PCDH15: variants seen among roughly 807,000 people sequenced by gnomAD.
The protein encoded by PCDH15 is protocadherin related 15.
In PCDH15, 129 loss-of-function variants were observed where a neutral mutation model predicts 178.5. That is an observed-to-expected ratio of 0.72 (90% CI 0.63 to 0.84). The LOEUF (loss-of-function observed/expected upper bound fraction) is 0.84, where lower values mean the gene tolerates loss of function less well. Ranked by LOEUF, PCDH15 falls within the 40% of genes least tolerant of loss-of-function variation. PCDH15 has a pLI of 0.00. For missense variants in PCDH15, 2,230 were observed against 2,099.9 expected, an observed-to-expected ratio of 1.06 and a Z score of -1.21; for synonymous variants, 800 against 732.0, an observed-to-expected ratio of 1.09 and a Z score of -1.50.
intron 2 of PCDH15, among the ~76,000 whole-genome samples, chr10:55,130,650 T>C (rs1838015358): frequency 6.6e-6 from 1 of 151,162 alleles, no homozygotes; most frequent in Non-Finnish European, 1.5e-5. Context: ...ACTTTAAACC[T>C]ATGGCTTAAC....
intron 29 of PCDH15, among the ~76,000 whole-genome samples, chr10:53,837,316 A>G (rs2093969448): frequency 6.6e-6 from 1 of 152,192 alleles, no homozygotes; most frequent in South Asian, 2.1e-4. Context: ...ATAAAAAAGC[A>G]GGATAAGAGT....
chr10:54,529,417 C>A (rs1227471802), intron 2 of PCDH15, among the ~76,000 whole-genome samples: 2 of 152,034 alleles, frequency 1.3e-5, no homozygotes, highest in Non-Finnish European at 2.9e-5. Flanking sequence ...CTATTCCTTT[C>A]ATGAGAATGA....
At chr10:55,477,082 A>G (rs1252873938) in intron 2 of PCDH15, among the ~76,000 whole-genome samples, 1 of 151,960 alleles carries the variant, frequency 6.6e-6, no homozygotes, top group Non-Finnish European at 1.5e-5. Context: ...GTACTAGTAT[A>G]TTACCCACTG....
intron 20 of PCDH15, among the ~76,000 whole-genome samples, chr10:53,999,439 T>C (rs900925629): frequency 6.6e-6 from 1 of 152,212 alleles, no homozygotes; most frequent in African/African-American, 2.4e-5. Context: ...TTTACTGACT[T>C]ATTTCCCTTC....
At chr10:54,436,143 AAG>A (rs1491434441) in intron 3 of PCDH15, among the ~76,000 whole-genome samples, 2 of 144,414 alleles carry the variant, frequency 1.4e-5, no homozygotes, top group African/African-American at 2.8e-5. Context: ...AAAAGAAAGA[AAG>A]AAAGGAAGGA....
chr10:55,356,808 A>C (rs1588949606), intron 2 of PCDH15, among the ~76,000 whole-genome samples: 1 of 152,112 alleles, frequency 6.6e-6, no homozygotes, highest in South Asian at 2.1e-4. Flanking sequence ...TTCCGAGATT[A>C]CATCATTTGT....
chr10:54,563,807 C>T (rs1025237718), intron 2 of PCDH15, among the ~76,000 whole-genome samples: 1 of 152,122 alleles, frequency 6.6e-6, no homozygotes, highest in African/African-American at 2.4e-5. Flanking sequence ...AGAGCCCCAC[C>T]ATAACCAAAT....
At chr10:55,348,988 T>C (rs931603752) in intron 2 of PCDH15, among the ~76,000 whole-genome samples, 1 of 152,144 alleles carries the variant, frequency 6.6e-6, no homozygotes, top group Non-Finnish European at 1.5e-5. Flanking sequence ...TGAGCAGGAA[T>C]GGAAACAAAG....
chr10:53,961,939 C>T (rs1177866983), intron 21 of PCDH15, 47 bp from the exon 22 acceptor site: 1 of 1,433,570 alleles, frequency 7.0e-7, no homozygotes. Flanking sequence ...CAAGTTAAAA[C>T]ACAGTGCAAT....
At chr10:55,343,228 GA>G (rs1265192838) in intron 2 of PCDH15, among the ~76,000 whole-genome samples, 1 of 152,046 alleles carries the variant, frequency 6.6e-6, no homozygotes, top group Non-Finnish European at 1.5e-5. Context: ...CCAAACTAAG[GA>G]ATTAAAAGAT....
intron 3 of PCDH15, among the ~76,000 whole-genome samples, chr10:54,443,350 C>T (rs1310011878): frequency 6.6e-6 from 1 of 151,304 alleles, no homozygotes; most frequent in African/African-American, 2.4e-5. Flanking sequence ...TCTTCGGAAG[C>T]CCCTGGGAAA....
chr10:54,908,642 G>A (rs1002388421), intron 2 of PCDH15, among the ~76,000 whole-genome samples: 3 of 152,234 alleles, frequency 2.0e-5, no homozygotes, highest in African/African-American at 7.2e-5. Flanking sequence ...AGAAAGAGGT[G>A]TGCAGACAAG....
At chr10:54,376,562 T>C (rs1403832225) in intron 4 of PCDH15, among the ~76,000 whole-genome samples, 3 of 151,480 alleles carry the variant, frequency 2.0e-5, no homozygotes, top group East Asian at 3.9e-4. Context: ...ACTATATCTT[T>C]GTAGAAAATA....
intron 2 of PCDH15, among the ~76,000 whole-genome samples, chr10:55,397,254 T>C (rs1837951875): frequency 6.6e-6 from 1 of 152,186 alleles, no homozygotes; most frequent in African/African-American, 2.4e-5. Context: ...ATTTTCAAAG[T>C]TGTTCTACAT....
In PCDH15 at chr10:54,312,132, C is replaced by T. The variant is rs548547165; in HGVS notation, c.876+5139G>A. Among the ~76,000 whole-genome samples the T allele has an allele frequency of 5.3e-5, 8 of 152,092 alleles. No homozygotes were observed. The East Asian group carries it at 1.6e-3, about 30-fold the overall frequency. On this transcript the variant is annotated intron_variant, in intron 8 of 37. Coordinates refer to ENST00000644397, the MANE Select transcript of PCDH15 (RefSeq NM_001384140.1). ...AGCTGACATTAATGGTTAGCTTTCA[C>T]TCTGGAGAGCAAGATCTTATTGAAA...
chr10:54,476,957 C>T (rs1385026972), intron 3 of PCDH15, among the ~76,000 whole-genome samples: 1 of 152,090 alleles, frequency 6.6e-6, no homozygotes, highest in Non-Finnish European at 1.5e-5. Flanking sequence ...GACACCATTT[C>T]TCTTTCCTTA....
intron 8 of PCDH15, among the ~76,000 whole-genome samples, chr10:54,310,011 A>C (rs2060804640): frequency 6.6e-6 from 1 of 152,100 alleles, no homozygotes; most frequent in Non-Finnish European, 1.5e-5. Flanking sequence ...ATTTTAGGTT[A>C]ACTGATATGA....
chr10:54,279,992 A>G (rs1404663820), intron 8 of PCDH15, among the ~76,000 whole-genome samples: 1 of 151,744 alleles, frequency 6.6e-6, no homozygotes, highest in Admixed American at 6.6e-5. Flanking sequence ...TTAAAAGGAT[A>G]TTAATGCAAG....
intron 3 of PCDH15, among the ~76,000 whole-genome samples, chr10:54,838,437 ATCT>A (rs1953359324): frequency 6.6e-6 from 1 of 152,062 alleles, no homozygotes; most frequent in Admixed American, 6.6e-5. Context: ...CTTCTCCTTC[ATCT>A]TCTGCCATGA....
Sources: allele counts gnomAD v4.1 joint callset (sites outside exome capture counted in the v4.1 genomes callset), GRCh38; gene constraint gnomAD v4.1.1; transcripts MANE v1.5; gene names NCBI Gene and HGNC (gene_info 2026-07-23, HGNC 2026-07-21).